Variants in IRF2 observed in about 807,000 individuals in gnomAD.
IRF2 encodes the protein interferon regulatory factor 2.
A neutral mutation model predicts 40.6 loss-of-function variants in IRF2; 15 were observed. The observed-to-expected ratio is 0.37, with a 90% CI of 0.25 to 0.57. The LOEUF is 0.57. Ranked by LOEUF, IRF2 falls within the 20% of genes least tolerant of loss-of-function variation. The pLI, the probability that IRF2 is intolerant of heterozygous loss-of-function variation, is 0.77. For missense variants in IRF2, 317 were observed against 455.7 expected, an observed-to-expected ratio of 0.70 and a Z score of 2.77; for synonymous variants, 151 against 165.5, an observed-to-expected ratio of 0.91 and a Z score of 0.67.
intron 6 of IRF2, among the ~76,000 whole-genome samples, chr4:184,404,884 C>T (rs1240992718): frequency 1.3e-5 from 2 of 152,200 alleles, no homozygotes; most frequent in African/African-American, 4.8e-5. Context: ...GTGCACCTTG[C>T]ACCCCGTGAG....
At chr4:184,469,739 G>A (rs2149920902) in intron 1 of IRF2, among the ~76,000 whole-genome samples, 1 of 152,324 alleles carries the variant, frequency 6.6e-6, no homozygotes, top group Middle Eastern at 3.4e-3. Context: ...GAGACAGTTT[G>A]TCATAAGATG....
intron 1 of IRF2, among the ~76,000 whole-genome samples, chr4:184,434,705 T>C (rs547429852): frequency 6.6e-6 from 1 of 152,360 alleles, no homozygotes; most frequent in Non-Finnish European, 1.5e-5. Flanking sequence ...ATATAAGGCA[T>C]GCAAGCTATT....
chr4:184,439,728 T>C (rs1387550276), intron 1 of IRF2, among the ~76,000 whole-genome samples: 1 of 152,220 alleles, frequency 6.6e-6, no homozygotes, highest in Non-Finnish European at 1.5e-5. Context: ...TCGGAAGCTA[T>C]TCCCATAGCT....
rs186395990 is a variant in IRF2, at chr4:184,401,636, C to G, written c.530-2557G>C. Among the ~76,000 whole-genome samples, 10 of 152,316 alleles carry G rather than the reference C, an allele frequency of 6.6e-5. No individual in the cohort carries two copies. The East Asian group carries it at 1.9e-3, about 29-fold the overall frequency. The stretch of plus-strand genomic sequence containing the variant: ...AACCTCTCTCTAGTTTCCTCTGCCT[C>G]TTCCAGCCAAGTAAAATAAAATGGC... On this transcript the variant is annotated intron_variant, in intron 6 of 8. Coordinates refer to ENST00000393593, the MANE Select transcript of IRF2 (RefSeq NM_002199.4).
chr4:184,460,876 G>A (rs1190126297), intron 1 of IRF2, among the ~76,000 whole-genome samples: 2 of 152,166 alleles, frequency 1.3e-5, no homozygotes, highest in African/African-American at 4.8e-5. Context: ...TTAGATCGAC[G>A]TGGGGAAGCA....
intron 2 of IRF2, among the ~76,000 whole-genome samples, chr4:184,425,975 G>A (rs537357257): frequency 1.5e-4 from 13 of 86,682 alleles, no homozygotes; most frequent in Admixed American, 5.0e-4. Context: ...GGCTCACTCC[G>A]GTTTTTGTTT....
At chr4:184,460,108 G>A (rs1739080905) in intron 1 of IRF2, among the ~76,000 whole-genome samples, 1 of 152,222 alleles carries the variant, frequency 6.6e-6, no homozygotes, top group African/African-American at 2.4e-5. Flanking sequence ...TCTACCAACA[G>A]ATGAATGGAC....
intron 2 of IRF2, chr4:184,428,566 G>C: frequency 5.3e-6 from 2 of 377,578 alleles, no homozygotes; most frequent in Middle Eastern, 1.9e-3. Context: ...GGGAGGCTGA[G>C]GTGGGAGGAT....
intron 1 of IRF2, among the ~76,000 whole-genome samples, chr4:184,455,459 G>A (rs1470515886): frequency 6.6e-6 from 1 of 151,106 alleles, no homozygotes; most frequent in East Asian, 1.9e-4. Flanking sequence ...TCCACCTTCT[G>A]ATGCAACCAA....
At chr4:184,426,004 TTG>T (rs1436025768) in intron 2 of IRF2, among the ~76,000 whole-genome samples, 1 of 151,338 alleles carries the variant, frequency 6.6e-6, no homozygotes, top group Non-Finnish European at 1.5e-5. Flanking sequence ...GTTTGTTTGT[TTG>T]TTTGTTTGTT....
intron 1 of IRF2, among the ~76,000 whole-genome samples, chr4:184,447,625 A>C (rs1238725834): frequency 6.6e-6 from 1 of 152,238 alleles, no homozygotes; most frequent in Non-Finnish European, 1.5e-5. Context: ...TCCTTAATTA[A>C]AAGATCAAAT....
intron 1 of IRF2, among the ~76,000 whole-genome samples, chr4:184,455,059 T>A (rs1738863095): frequency 6.6e-6 from 1 of 152,034 alleles, no homozygotes; most frequent in Non-Finnish European, 1.5e-5. Context: ...GCCAGATTAA[T>A]CTCCCCAAAT....
chr4:184,396,962 C>T (rs1736489082), intron 7 of IRF2, among the ~76,000 whole-genome samples: 1 of 152,112 alleles, frequency 6.6e-6, no homozygotes, highest in Admixed American at 6.6e-5. Flanking sequence ...CAAACAACAA[C>T]AACAACAGTC....
At chr4:184,397,686 G>C (rs947091775) in intron 7 of IRF2, among the ~76,000 whole-genome samples, 1 of 152,200 alleles carries the variant, frequency 6.6e-6, no homozygotes, top group East Asian at 1.9e-4. Context: ...ATTTGGCAGC[G>C]TGTAAAGAGC....
At chr4:184,429,956 C>T (rs1737814928) in intron 1 of IRF2, among the ~76,000 whole-genome samples, 3 of 152,152 alleles carry the variant, frequency 2.0e-5, no homozygotes, top group Admixed American at 1.3e-4. Context: ...CCTATCTATG[C>T]CTGCATTCAC....
intron 1 of IRF2, among the ~76,000 whole-genome samples, chr4:184,438,310 A>T (rs1330596093): frequency 6.6e-6 from 1 of 152,210 alleles, no homozygotes; most frequent in Non-Finnish European, 1.5e-5. Context: ...GTGTTTTGCA[A>T]GTCTCTGCTA....
intron 2 of IRF2, among the ~76,000 whole-genome samples, chr4:184,425,681 T>C (rs921904330): frequency 8.5e-5 from 13 of 152,194 alleles, no homozygotes; most frequent in South Asian, 4.1e-4. Flanking sequence ...AAGAGCCAGA[T>C]GAGTGACGCT....
At chr4:184,442,735 C>A (rs1422096179) in intron 1 of IRF2, among the ~76,000 whole-genome samples, 1 of 151,896 alleles carries the variant, frequency 6.6e-6, no homozygotes, top group Non-Finnish European at 1.5e-5. Context: ...TAAAAATGAC[C>A]TCATTTTTAG....
At chr4:184,411,820 C>T (rs907132927) in intron 5 of IRF2, among the ~76,000 whole-genome samples, 2 of 151,942 alleles carry the variant, frequency 1.3e-5, no homozygotes, top group South Asian at 2.1e-4. Flanking sequence ...CCTGGACCCC[C>T]GATGCCCCAC....
Sources: gnomAD v4.1 joint callset for allele counts (sites outside exome capture counted in the v4.1 genomes callset) on GRCh38, gnomAD v4.1.1 for gene constraint, MANE v1.5 for transcripts, NCBI Gene and HGNC (gene_info 2026-07-23, HGNC 2026-07-21) for gene names.